The following GRID1 variants were observed in gnomAD, a reference collection of about 807,000 sequenced individuals.
GRID1 encodes glutamate receptor ionotropic, delta-1.
A neutral mutation model predicts 98.0 loss-of-function variants in GRID1; 28 were observed. The ratio of observed to expected loss-of-function variants is 0.29; its 90% confidence interval spans 0.21 to 0.39. GRID1 has a LOEUF of 0.39. Among genes scored for constraint, GRID1 ranks in the 10% least tolerant of loss-of-function variants. The pLI is 1.00. For synonymous variants in GRID1, 553 were observed against 538.5 expected (o/e 1.03, Z -0.37); for missense variants, 1,111 against 1,340.5 (o/e 0.83, Z 2.67).
intron 2 of GRID1, among the ~76,000 whole-genome samples, chr10:86,237,731 C>A (rs1432041855): frequency 1.3e-5 from 2 of 148,442 alleles, no homozygotes; most frequent in Non-Finnish European, 3.0e-5. Flanking sequence ...GTAGCACCTT[C>A]CCCTTCTCTC....
At chr10:85,950,019 A>G (rs1298721081) in intron 4 of GRID1, among the ~76,000 whole-genome samples, 2 of 152,130 alleles carry the variant, frequency 1.3e-5, no homozygotes, top group Admixed American at 1.3e-4. Context: ...GGATGGGTAG[A>G]TAGATAAATA....
chr10:86,018,967 G>A lies in GRID1; in HGVS notation c.727-102728C>T, dbSNP rs556831620. Among the ~76,000 whole-genome samples the A allele has an allele frequency of 5.8e-4, 88 of 152,324 alleles. 3 individuals carry two copies. In the South Asian group the frequency reaches 0.017, roughly 29 times the overall value. On this transcript the variant is annotated intron_variant, in intron 4 of 15. Coordinates refer to ENST00000327946, the MANE Select transcript of GRID1 (RefSeq NM_017551.3). ...TCTCCAAAAGATACTGACAATGTGG[G>A]CTGAGGAGTTTGCAGCTCCAAATCA...
chr10:86,173,589 T>TTATTA (rs1845526821), intron 3 of GRID1, among the ~76,000 whole-genome samples: 2 of 150,064 alleles, frequency 1.3e-5, no homozygotes, highest in South Asian at 4.2e-4. Flanking sequence ...TTTTATTTTA[T>TTATTA]TATACTTTAA....
chr10:86,175,937 G>T (rs550833357), intron 3 of GRID1, among the ~76,000 whole-genome samples: 2 of 152,208 alleles, frequency 1.3e-5, no homozygotes, highest in Non-Finnish European at 2.9e-5. Flanking sequence ...TCGAACTGCC[G>T]GCTTCAGGTG....
At chr10:85,692,069 A>T (rs1243367234) in intron 12 of GRID1, among the ~76,000 whole-genome samples, 4 of 152,100 alleles carry the variant, frequency 2.6e-5, no homozygotes, top group Non-Finnish European at 5.9e-5. Flanking sequence ...AGCTCCATTT[A>T]TGCAGCTTTC....
At chr10:86,174,447 A>G (rs899427795) in intron 3 of GRID1, among the ~76,000 whole-genome samples, 2 of 151,806 alleles carry the variant, frequency 1.3e-5, no homozygotes, top group Non-Finnish European at 2.9e-5. Context: ...ATATGTAGAA[A>G]GCTGAAACTG....
chr10:86,101,938 C>T (rs1844302314), intron 4 of GRID1, among the ~76,000 whole-genome samples: 1 of 152,190 alleles, frequency 6.6e-6, no homozygotes, highest in Non-Finnish European at 1.5e-5. Flanking sequence ...GTTATCCATT[C>T]ACCAGCTGAA....
intron 13 of GRID1, among the ~76,000 whole-genome samples, chr10:85,642,441 C>A (rs770706049): frequency 6.6e-6 from 1 of 152,180 alleles, no homozygotes; most frequent in Non-Finnish European, 1.5e-5. Flanking sequence ...CTGACAGGAA[C>A]CCTGGAGCTA....
At chr10:85,677,458 A>G (rs1457208470) in intron 12 of GRID1, among the ~76,000 whole-genome samples, 1 of 152,246 alleles carries the variant, frequency 6.6e-6, no homozygotes, top group African/African-American at 2.4e-5. Flanking sequence ...AAAGAGAAAC[A>G]GTAACTTCAA....
intron 4 of GRID1, among the ~76,000 whole-genome samples, chr10:85,948,935 T>C (rs181608484): frequency 3.0e-4 from 46 of 152,268 alleles, no homozygotes; most frequent in Non-Finnish European, 5.6e-4. Flanking sequence ...TATTATTAAG[T>C]ATTAACTTTA....
chr10:86,097,568 T>A (rs186326931), intron 4 of GRID1, among the ~76,000 whole-genome samples: 2 of 152,290 alleles, frequency 1.3e-5, no homozygotes, highest in Admixed American at 1.3e-4. Context: ...CTATAATCTA[T>A]CTATCTGTAT....
intron 13 of GRID1, among the ~76,000 whole-genome samples, chr10:85,620,609 T>A (rs1006225356): frequency 6.6e-6 from 1 of 152,194 alleles, no homozygotes; most frequent in Non-Finnish European, 1.5e-5. Flanking sequence ...GAGCCCCCTG[T>A]GCATGAGGAA....
chr10:86,042,313 C>T (rs1843358766), intron 4 of GRID1, among the ~76,000 whole-genome samples: 1 of 152,208 alleles, frequency 6.6e-6, no homozygotes, highest in African/African-American at 2.4e-5. Context: ...TCTGGCCCCA[C>T]AGACTCCAGG....
intron 13 of GRID1, among the ~76,000 whole-genome samples, chr10:85,636,498 A>G (rs954247369): frequency 3.3e-5 from 5 of 152,214 alleles, no homozygotes; most frequent in Non-Finnish European, 1.5e-5. Context: ...AATTTCCCCA[A>G]TTAGCCACAG....
intron 8 of GRID1, among the ~76,000 whole-genome samples, chr10:85,772,908 G>C (rs1365617387): frequency 1.3e-5 from 2 of 152,108 alleles, no homozygotes; most frequent in Non-Finnish European, 2.9e-5. Context: ...GGAGGAACTG[G>C]TACCATTCCT....
intron 2 of GRID1, among the ~76,000 whole-genome samples, chr10:86,318,636 G>C (rs1316218556): frequency 1.3e-5 from 2 of 152,218 alleles, no homozygotes; most frequent in Admixed American, 6.5e-5. Context: ...AGTTGAGCCT[G>C]AGGACATGGC....
At chr10:86,149,412 T>C (rs755598633) in intron 3 of GRID1, among the ~76,000 whole-genome samples, 6 of 152,194 alleles carry the variant, frequency 3.9e-5, no homozygotes, top group Non-Finnish European at 7.3e-5. Flanking sequence ...ACATGGTGTG[T>C]TCACACATGT....
intron 8 of GRID1, among the ~76,000 whole-genome samples, chr10:85,771,600 T>G (rs1209840658): frequency 1.3e-5 from 2 of 152,094 alleles, no homozygotes; most frequent in East Asian, 3.8e-4. Flanking sequence ...GAGACACAAA[T>G]AGGCTCAAAA....
At chr10:86,202,810 AG>A (rs1437036679) in intron 3 of GRID1, among the ~76,000 whole-genome samples, 1 of 152,214 alleles carries the variant, frequency 6.6e-6, no homozygotes, top group Admixed American at 6.5e-5. Context: ...CAAATGAGGA[AG>A]AATCAGGCCT....
Sources: allele counts gnomAD v4.1 joint callset (sites outside exome capture counted in the v4.1 genomes callset), GRCh38; gene constraint gnomAD v4.1.1; transcripts MANE v1.5; gene names NCBI Gene and HGNC (gene_info 2026-07-23, HGNC 2026-07-21).